Variants in PTGIS observed in about 807,000 individuals in gnomAD.
PTGIS encodes the protein prostacyclin synthase.
A neutral mutation model predicts 50.3 loss-of-function variants in PTGIS; 45 were observed. The observed-to-expected ratio is 0.90, with a 90% CI of 0.70 to 1.15. The LOEUF (loss-of-function observed/expected upper bound fraction) is 1.15, where lower values mean the gene tolerates loss of function less well. PTGIS is among the 50% of genes most tolerant of loss of function. PTGIS has a pLI of 0.00. For missense variants in PTGIS, 668 were observed against 661.3 expected, an observed-to-expected ratio of 1.01 and a Z score of -0.11; for synonymous variants, 260 against 267.7, an observed-to-expected ratio of 0.97 and a Z score of 0.28.
chr20:49,509,946 C>T (rs1434327668), intron 9 of PTGIS, among the ~76,000 whole-genome samples: 12 of 137,894 alleles, frequency 8.7e-5, no homozygotes, highest in South Asian at 7.2e-4. Context: ...TGGAGTGCAA[C>T]GGCGCAATCT....
At chr20:49,509,861 A>G (rs1449583935) in intron 9 of PTGIS, among the ~76,000 whole-genome samples, 5 of 131,428 alleles carry the variant, frequency 3.8e-5, no homozygotes, top group Non-Finnish European at 6.5e-5. Context: ...CAATCCCTGC[A>G]GTTTTTTCTT....
Position 49,550,063 on chromosome 20 carries a change from T to C in PTGIS, c.198+3A>G. 6.2e-7 allele frequency: 1 copy of C among 1,614,110 alleles called. No homozygotes were observed. The highest frequency in any genetic ancestry group is 8.5e-7 in the Non-Finnish European group (1 of 1,180,006). ...TCCCTCCCGAGGCACAAGAGGCACTTACAGTAAAGATGTCACCGTGCTTCT... is the reference window on the plus strand; with the variant it reads ...TCCCTCCCGAGGCACAAGAGGCACTCACAGTAAAGATGTCACCGTGCTTCT... On this transcript the variant is annotated splice_donor_region_variant and intron_variant, in intron 2 of 9. Coordinates refer to ENST00000244043, the MANE Select transcript of PTGIS (RefSeq NM_000961.4).
At chr20:49,557,026 C>A (rs1032036370) in intron 1 of PTGIS, among the ~76,000 whole-genome samples, 2 of 152,190 alleles carry the variant, frequency 1.3e-5, no homozygotes, top group African/African-American at 4.8e-5. Context: ...TACTGATATA[C>A]GGACTTGAGA....
chr20:49,513,086 G>A lies in PTGIS; in HGVS notation c.1200C>T (p.Asp400=), dbSNP rs1423067289. 1 of 1,614,040 alleles carries A rather than the reference G, an allele frequency of 6.2e-7. No homozygotes were observed. Among genetic ancestry groups the A allele is most frequent in the African/African-American group, 1.3e-5 (1 of 74,922 alleles). ...AGGCGCCCCTGCCATTTACCTCTGG[G>A]TCTGTGTAGATTTCTGGGTCTCTCT... ...SPQRDPEIYT[D]PEVFKYNRFL... Residue 400 remains aspartate (D), a synonymous_variant, in exon 8 of 10, where the codon GAC becomes GAT. Transcript: ENST00000244043.
intron 5 of PTGIS, among the ~76,000 whole-genome samples, chr20:49,529,186 C>T (rs1426595152): frequency 2.0e-5 from 3 of 152,194 alleles, no homozygotes; most frequent in South Asian, 4.1e-4. Context: ...GTATACAATA[C>T]ATTGTATACT....
intron 1 of PTGIS, among the ~76,000 whole-genome samples, chr20:49,561,894 G>A (rs1360069584): frequency 1.3e-5 from 2 of 152,130 alleles, no homozygotes; most frequent in African/African-American, 4.8e-5. Context: ...AGCTATACTT[G>A]GCATTTTCCA....
At chr20:49,536,121 A>G (rs1273716130) in intron 5 of PTGIS, among the ~76,000 whole-genome samples, 1 of 152,256 alleles carries the variant, frequency 6.6e-6, no homozygotes, top group Non-Finnish European at 1.5e-5. Context: ...ACACAGAGAC[A>G]CTGTAGATGT....
Position 49,514,332 on chromosome 20 carries a change from C to A in PTGIS, c.919G>T (p.Ala307Ser). 1 of 1,614,132 alleles carries A rather than the reference C, an allele frequency of 6.2e-7. No homozygotes were observed. The highest frequency in any genetic ancestry group is 8.5e-7 in the Non-Finnish European group (1 of 1,180,048). ...CTCTCGAGCTCTCCGCGGACAGCAG[C>A]CAGGGCTTCAGGATTCTTGAGAAGG... The part of the protein sequence containing the change: ...LFLLKNPEAL[A>S]AVRGELESIL... Residue 307 changes from alanine (A) to serine (S), a missense_variant, in exon 7 of 10, where the codon GCT (alanine) becomes TCT (serine). Coordinates refer to ENST00000244043, the MANE Select transcript of PTGIS (RefSeq NM_000961.4).
chr20:49,530,992 C>T (rs1383790946), intron 5 of PTGIS, among the ~76,000 whole-genome samples: 1 of 152,092 alleles, frequency 6.6e-6, no homozygotes, highest in Non-Finnish European at 1.5e-5. Flanking sequence ...ATCTCTTGAC[C>T]TCGTGATCTG....
At chr20:49,522,965 C>A (rs573507871) in intron 6 of PTGIS, among the ~76,000 whole-genome samples, 1 of 152,046 alleles carries the variant, frequency 6.6e-6, no homozygotes, top group South Asian at 2.1e-4. Flanking sequence ...CAGAGGTTGC[C>A]GTGAGCCGAG....
chr20:49,543,019 G>T (rs1982270115), intron 4 of PTGIS, among the ~76,000 whole-genome samples: 1 of 152,150 alleles, frequency 6.6e-6, no homozygotes. Flanking sequence ...ACGAATGACT[G>T]CCCTTTATCC....
intron 3 of PTGIS, among the ~76,000 whole-genome samples, chr20:49,544,883 A>G (rs1982318314): frequency 6.6e-6 from 1 of 152,198 alleles, no homozygotes; most frequent in South Asian, 2.1e-4. Flanking sequence ...TCTGGAAGAG[A>G]AGGAACTGAA....
intron 6 of PTGIS, among the ~76,000 whole-genome samples, chr20:49,517,116 C>T (rs957594576): frequency 1.3e-5 from 2 of 152,254 alleles, no homozygotes; most frequent in Admixed American, 1.3e-4. Flanking sequence ...CCCCCACTGG[C>T]CCCTCCCCTG....
At position 49,536,473 on chromosome 20, in the gene PTGIS, TCTTTC is replaced by T. The variant is rs1312872399; in HGVS notation, c.673+3092_673+3096del. ...TTTTTCTTTTCTTTCTTTCTTTCTT[TCTTTC>T]TTTTTTTTTTTTTTTTTTTTGAGAC... On this transcript the variant is annotated intron_variant, in intron 5 of 9. Transcript: ENST00000244043. Among the ~76,000 whole-genome samples, 1,172 of 140,734 alleles carry T rather than the reference TCTTTC, an allele frequency of 8.3e-3. 21 individuals carry two copies. The highest frequency in any genetic ancestry group is 0.029 in the African/African-American group (991 of 34,748). The allele number at this position is 140,734 out of a possible 152,430, so 92.3% of individuals were successfully genotyped here.
At chr20:49,546,213 C>A (rs182257659) in intron 3 of PTGIS, among the ~76,000 whole-genome samples, 1 of 152,316 alleles carries the variant, frequency 6.6e-6, no homozygotes, top group East Asian at 1.9e-4. Context: ...GACATCACGC[C>A]AGCTTGTAAG....
rs983744066 is a variant in PTGIS at position 49,540,412 on chromosome 20, C to T, written c.522-691G>A. The stretch of plus-strand genomic sequence containing the variant: ...AAAGGCCCAGAGCTGAGAGTGCAAC[C>T]GTGCCTGGTGGGAGAGGTGCCAGCT... On this transcript the variant is annotated intron_variant, in intron 4 of 9. Transcript: ENST00000244043. This position sits in a 1 kb window ranked among gnomAD's most constrained non-coding sequence, Gnocchi z 4.8. Among the ~76,000 whole-genome samples the T allele has an allele frequency of 1.3e-5, 2 of 151,942 alleles. No homozygotes were observed. The highest frequency in any genetic ancestry group is 6.6e-5 in the Admixed American group (1 of 15,266).
intron 7 of PTGIS, among the ~76,000 whole-genome samples, chr20:49,513,718 T>C (rs1413655283): frequency 6.6e-6 from 1 of 152,106 alleles, no homozygotes; most frequent in African/African-American, 2.4e-5. Context: ...CTGAGCCCTG[T>C]GATTGGTTCA....
intron 1 of PTGIS, among the ~76,000 whole-genome samples, chr20:49,553,808 A>T (rs2122895122): frequency 6.6e-6 from 1 of 152,146 alleles, no homozygotes; most frequent in African/African-American, 2.4e-5. Flanking sequence ...TCCCGTAAAA[A>T]TTTTTTGTCC....
intron 3 of PTGIS, 150 bp downstream of exon 3, chr20:49,547,691 G>T: frequency 1.1e-6 from 1 of 903,848 alleles, no homozygotes; most frequent in Non-Finnish European, 1.8e-6. Flanking sequence ...AATTCTTTTG[G>T]GTTGTTTTTT....
Sources: gnomAD v4.1 joint callset for allele counts (sites outside exome capture counted in the v4.1 genomes callset) on GRCh38, gnomAD v4.1.1 for gene constraint, Gnocchi (gnomAD v3.1) non-coding constraint, MANE v1.5 for transcripts, NCBI Gene and HGNC (gene_info 2026-07-23, HGNC 2026-07-21) for gene names.